VOPP1: variants seen among roughly 807,000 people sequenced by gnomAD.
VOPP1 encodes WW domain binding protein VOPP1.
In VOPP1, 8 loss-of-function variants were observed where a neutral mutation model predicts 23.5. That is an observed-to-expected ratio of 0.34 (90% CI 0.20 to 0.61). The LOEUF is 0.61. VOPP1 is among the 20% of genes least tolerant of loss of function. The probability of loss-of-function intolerance (pLI) is 0.78; values close to 1 mark genes in which losing one functional copy is unlikely to be tolerated. For synonymous variants in VOPP1, 83 were observed against 97.3 expected (o/e 0.85, Z 0.86); for missense variants, 174 against 238.1 (o/e 0.73, Z 1.77).
At chr7:55,536,289 G>A (rs909487434) in intron 1 of VOPP1, among the ~76,000 whole-genome samples, 2 of 152,206 alleles carry the variant, frequency 1.3e-5, no homozygotes, top group Non-Finnish European at 2.9e-5. Context: ...AGCACTTCGG[G>A]AGGCCAAGGC....
chr7:55,469,412 AGTTTTATCAC>A (rs1791717727), downstream of VOPP1, among the ~76,000 whole-genome samples: 1 of 152,186 alleles, frequency 6.6e-6, no homozygotes, highest in Admixed American at 6.5e-5. Context: ...ACTCTGAGTT[AGTTTTATCAC>A]AAAAATGGGT....
At chr7:55,508,528 G>A (rs181552638) in intron 2 of VOPP1, among the ~76,000 whole-genome samples, 1,665 of 152,290 alleles carry the variant, frequency 0.011, 11 homozygotes, top group Middle Eastern at 0.02. Context: ...TAGCCCAAAA[G>A]TGTTGGGATT....
intron 1 of VOPP1, among the ~76,000 whole-genome samples, chr7:55,540,924 A>G (rs1049076011): frequency 6.6e-6 from 1 of 152,248 alleles, no homozygotes; most frequent in African/African-American, 2.4e-5. Flanking sequence ...CACCAAAAGC[A>G]AAAGTAATGA....
At chr7:55,476,728 C>A (rs1792287117) in intron 4 of VOPP1, among the ~76,000 whole-genome samples, 1 of 152,196 alleles carries the variant, frequency 6.6e-6, no homozygotes, top group African/African-American at 2.4e-5. Flanking sequence ...TCTGGCCCAG[C>A]TGCTCCTCCA....
At chr7:55,506,614 T>A (rs980423805) in intron 2 of VOPP1, among the ~76,000 whole-genome samples, 1 of 150,432 alleles carries the variant, frequency 6.6e-6, no homozygotes, top group Non-Finnish European at 1.5e-5. Context: ...TGGGATTACA[T>A]GCATGAGCCA....
intron 3 of VOPP1, among the ~76,000 whole-genome samples, chr7:55,496,698 G>C (rs1583918280): frequency 6.6e-6 from 1 of 152,204 alleles, no homozygotes; most frequent in East Asian, 1.9e-4. Context: ...TCAAACCCTG[G>C]GCACAGGTGT....
chr7:55,488,646 G>A (rs181773317), intron 4 of VOPP1, among the ~76,000 whole-genome samples: 4 of 152,012 alleles, frequency 2.6e-5, no homozygotes, highest in Non-Finnish European at 2.9e-5. Context: ...AGCGCCATGC[G>A]AGCCCCCCTA....
At chr7:55,495,826 G>A (rs1299893642) in intron 3 of VOPP1, among the ~76,000 whole-genome samples, 2 of 152,220 alleles carry the variant, frequency 1.3e-5, no homozygotes, top group Non-Finnish European at 2.9e-5. Flanking sequence ...TGGCTACAAC[G>A]CCAGCTTGGA....
At chr7:55,534,889 A>C (rs1796692791) in intron 1 of VOPP1, among the ~76,000 whole-genome samples, 1 of 152,150 alleles carries the variant, frequency 6.6e-6, no homozygotes, top group Non-Finnish European at 1.5e-5. Flanking sequence ...CACTCCATCC[A>C]CGTGGTCAAG....
intron 4 of VOPP1, among the ~76,000 whole-genome samples, chr7:55,450,748 T>C (rs1791223429): frequency 6.6e-6 from 1 of 152,246 alleles, no homozygotes; most frequent in South Asian, 2.1e-4. Context: ...TCCTTTCTTC[T>C]ACAAAAACAT....
At chr7:55,562,533 C>T (rs1288429894) in intron 1 of VOPP1, among the ~76,000 whole-genome samples, 1 of 152,184 alleles carries the variant, frequency 6.6e-6, no homozygotes, top group Non-Finnish European at 1.5e-5. Context: ...CAATCTATCA[C>T]AACAGCAAGA....
chr7:55,536,167 C>T (rs1796775755), intron 1 of VOPP1, among the ~76,000 whole-genome samples: 1 of 152,210 alleles, frequency 6.6e-6, no homozygotes, highest in South Asian at 2.1e-4. Context: ...AAAAGTTGTA[C>T]TTGGATTTGA....
intron 4 of VOPP1, among the ~76,000 whole-genome samples, chr7:55,443,439 A>C (rs1279134335): frequency 1.3e-5 from 2 of 151,778 alleles, no homozygotes; most frequent in Admixed American, 1.3e-4. Flanking sequence ...CTGTAGTCCT[A>C]GCTACTCGGG....
downstream of VOPP1, among the ~76,000 whole-genome samples, chr7:55,469,121 AG>A (rs1791709997): frequency 6.6e-6 from 1 of 152,146 alleles, no homozygotes. Context: ...TAAATTTTTC[AG>A]GACAAAATGC....
intron 1 of VOPP1, among the ~76,000 whole-genome samples, chr7:55,538,223 T>G (rs934242411): frequency 6.6e-6 from 1 of 152,230 alleles, no homozygotes; most frequent in Non-Finnish European, 1.5e-5. Context: ...CAAACCACTC[T>G]GAGTAGCGAT....
intron 1 of VOPP1, among the ~76,000 whole-genome samples, chr7:55,549,229 T>C (rs1486615022): frequency 1.3e-5 from 2 of 152,100 alleles, no homozygotes; most frequent in African/African-American, 4.8e-5. Context: ...ACTGAAAGCA[T>C]CCAAGGGCCA....
intron 2 of VOPP1, among the ~76,000 whole-genome samples, chr7:55,506,430 G>A (rs1304954060): frequency 6.6e-6 from 1 of 152,186 alleles, no homozygotes. Flanking sequence ...CCACCTCTTG[G>A]GTTCAAGTGA....
In VOPP1 at chr7:55,471,581, C is replaced by T. The variant is rs1180934950; in HGVS notation, c.*1274G>A. 6.6e-6 allele frequency: 1 copy of T among 151,030 alleles called. No homozygotes were observed. The highest frequency in any genetic ancestry group is 1.5e-5 in the Non-Finnish European group (1 of 67,580). The allele number at this position is 151,030 out of a possible 1,614,324, so 9.4% of individuals were successfully genotyped here. On this transcript the variant is annotated 3_prime_UTR_variant, in exon 5 of 5. Transcript: ENST00000285279. ...GCTCTTAGCACACAGGACAGGTCAG[C>T]GTTCACACATCAACACTATAACTAT...
chr7:55,462,915 C>A (rs1376416134), intron 4 of VOPP1, among the ~76,000 whole-genome samples: 1 of 148,502 alleles, frequency 6.7e-6, no homozygotes, highest in East Asian at 1.9e-4. Flanking sequence ...CTCGGCCTCC[C>A]AATATATTTT....
Sources: gnomAD v4.1 joint callset for allele counts (sites outside exome capture counted in the v4.1 genomes callset) on GRCh38, gnomAD v4.1.1 for gene constraint, MANE v1.5 for transcripts, NCBI Gene and HGNC (gene_info 2026-07-23, HGNC 2026-07-21) for gene names.